FAM169A: variants seen among roughly 807,000 people sequenced by gnomAD.
FAM169A encodes family with sequence similarity 169 member A, also known as soluble lamin-associated protein of 75 kDa.
FAM169A carries 24 observed loss-of-function variants against 75.7 expected under a neutral mutation model. The ratio of observed to expected loss-of-function variants is 0.32; its 90% confidence interval spans 0.23 to 0.45. FAM169A has a LOEUF of 0.45. Among genes scored for constraint, FAM169A ranks in the 20% least tolerant of loss-of-function variants. The pLI, the probability that FAM169A is intolerant of heterozygous loss-of-function variation, is 1.00. For missense variants in FAM169A, 673 were observed against 784.0 expected, an observed-to-expected ratio of 0.86 and a Z score of 1.69; for synonymous variants, 271 against 271.0, an observed-to-expected ratio of 1.00 and a Z score of 0.00.
chr5:74,787,883 T>TA (rs113652695), intron 11 of FAM169A, among the ~76,000 whole-genome samples: 18,295 of 151,470 alleles, frequency 0.12, 2,986 homozygotes, highest in African/African-American at 0.38. Context: ...TCTGAATTAT[T>TA]AAAAAAAAGA....
At chr5:74,852,969 T>C (rs1343549990) in intron 1 of FAM169A, among the ~76,000 whole-genome samples, 5 of 152,238 alleles carry the variant, frequency 3.3e-5, no homozygotes, top group African/African-American at 1.2e-4. Context: ...AATATACTTA[T>C]CACATAACAA....
chr5:74,845,738 T>C (rs13180149), intron 1 of FAM169A, among the ~76,000 whole-genome samples: 5,526 of 152,224 alleles, frequency 0.036, 138 homozygotes, highest in Non-Finnish European at 0.055. Flanking sequence ...ACCACAAGAT[T>C]TGCAGCCAAC....
At chr5:74,826,685 A>G (rs1017962101) in intron 5 of FAM169A, among the ~76,000 whole-genome samples, 1 of 152,206 alleles carries the variant, frequency 6.6e-6, no homozygotes, top group African/African-American at 2.4e-5. Flanking sequence ...AGTCACAAAA[A>G]CATTACAAAG....
chr5:74,839,522 A>AT (rs200682932), intron 3 of FAM169A, among the ~76,000 whole-genome samples: 3,788 of 130,792 alleles, frequency 0.029, 76 homozygotes, highest in Non-Finnish European at 0.038. Context: ...TCAATTTTTA[A>AT]TTTTTTTTTT....
rs1428849065 is a variant in FAM169A at position 74,804,177 on chromosome 5, T to C, written c.912+316A>G. Among the ~76,000 whole-genome samples the C allele has an allele frequency of 2.6e-5, 4 of 152,104 alleles. No individual in the cohort carries two copies. The East Asian group carries it at 7.7e-4, about 29-fold the overall frequency. ...GCTTTATAATATGCGATATTAAATATATATGCAAAAATTTTAACAGTGGCT... is the reference window on the plus strand; with the variant it reads ...GCTTTATAATATGCGATATTAAATACATATGCAAAAATTTTAACAGTGGCT... On this transcript the variant is annotated intron_variant, in intron 8 of 12. Transcript: ENST00000687041.
intron 8 of FAM169A, among the ~76,000 whole-genome samples, chr5:74,802,332 C>A (rs1746623301): frequency 6.6e-6 from 1 of 152,012 alleles, no homozygotes; most frequent in Admixed American, 6.6e-5. Flanking sequence ...TACACCCCTC[C>A]ACCCTGATGA....
rs951912202 is a variant in FAM169A, at chr5:74,863,134, C to T, written c.-4+3031G>A. Among the ~76,000 whole-genome samples the T allele has an allele frequency of 3.3e-5, 5 of 151,678 alleles. No homozygotes were observed. In the South Asian group the frequency reaches 6.3e-4, roughly 19 times the overall value. On this transcript the variant is annotated intron_variant, in intron 1 of 12. Coordinates refer to ENST00000687041, the MANE Select transcript of FAM169A (RefSeq NM_001376049.1). ...TAGTCCCCTATACAGAGCATGTAAACGTTAAGGTATCATATACCAACTCTA... is the reference window on the plus strand; with the variant it reads ...TAGTCCCCTATACAGAGCATGTAAATGTTAAGGTATCATATACCAACTCTA...
intron 1 of FAM169A, among the ~76,000 whole-genome samples, chr5:74,853,069 G>C (rs1749523999): frequency 6.6e-6 from 1 of 152,140 alleles, no homozygotes; most frequent in Non-Finnish European, 1.5e-5. Context: ...TACTTTTTCA[G>C]CACATGTAAA....
intron 11 of FAM169A, 128 bp from the exon 12 acceptor site, chr5:74,783,262 T>A: frequency 1.6e-6 from 1 of 644,356 alleles, no homozygotes; most frequent in South Asian, 1.9e-5. Context: ...TTATAGGACA[T>A]GGGTTAAAGA....
chr5:74,844,381 G>A (rs1409550202), intron 1 of FAM169A, among the ~76,000 whole-genome samples: 2 of 152,034 alleles, frequency 1.3e-5, no homozygotes, highest in African/African-American at 2.4e-5. Flanking sequence ...AGAATTACCT[G>A]AGCCCAGGAG....
chr5:74,796,074 C>A lies in FAM169A; in HGVS notation c.1216G>T (p.Ala406Ser). 6.2e-7 allele frequency: 1 copy of A among 1,614,096 alleles called. No individual in the cohort carries two copies. Among genetic ancestry groups the A allele is most frequent in the Non-Finnish European group, 8.5e-7 (1 of 1,179,988 alleles). Residue 406 changes from alanine to serine, a missense_variant, in exon 11 of 13, where the codon GCA (alanine) becomes TCA (serine). Ala to Ser is a moderately conservative substitution (Grantham distance 99). Around this residue, in one of 3 missense-constraint regions of FAM169A, gnomAD observed 510 missense variants for 550.9 expected, o/e 0.93. Transcript: ENST00000687041. ...DESSDRDARP[A>S]LETQPQQEKQ... ...TCTTGCTGTGGCTGGGTTTCCAGTGCTGGCCGTGCATCTCTATCACTGCTT... is the reference window on the plus strand; with the variant it reads ...TCTTGCTGTGGCTGGGTTTCCAGTGATGGCCGTGCATCTCTATCACTGCTT...
chr5:74,835,532 G>A (rs755539319), intron 4 of FAM169A, among the ~76,000 whole-genome samples: 5 of 147,554 alleles, frequency 3.4e-5, no homozygotes, highest in Middle Eastern at 3.7e-3. Flanking sequence ...AGCGCAAGAG[G>A]TTGAGGTTGC....
chr5:74,842,978 A>G (rs1748962167), intron 1 of FAM169A, among the ~76,000 whole-genome samples: 1 of 152,164 alleles, frequency 6.6e-6, no homozygotes, highest in Non-Finnish European at 1.5e-5. Flanking sequence ...CCAAGCAACA[A>G]GAAAATTTAG....
intron 6 of FAM169A, among the ~76,000 whole-genome samples, chr5:74,808,534 T>C (rs1051887407): frequency 2.0e-5 from 3 of 152,130 alleles, no homozygotes; most frequent in Non-Finnish European, 4.4e-5. Context: ...TTGCAGATGA[T>C]TGAAAAGCTT....
chr5:74,803,366 A>G (rs181685966), intron 8 of FAM169A, among the ~76,000 whole-genome samples: 79 of 151,862 alleles, frequency 5.2e-4, no homozygotes, highest in Middle Eastern at 3.4e-3. Flanking sequence ...CAAAAGTAGG[A>G]AAAAAAAATC....
intron 11 of FAM169A, among the ~76,000 whole-genome samples, chr5:74,784,792 G>A (rs776988850): frequency 2.9e-4 from 43 of 150,680 alleles, no homozygotes; most frequent in Non-Finnish European, 4.4e-4. Context: ...GGTGGCAGGC[G>A]CCTGTAGTCC....
At chr5:74,813,676 C>T (rs1258203199) in intron 6 of FAM169A, among the ~76,000 whole-genome samples, 164 bp downstream of exon 6, 3 of 151,818 alleles carry the variant, frequency 2.0e-5, no homozygotes, top group East Asian at 1.9e-4. Flanking sequence ...TGCCAAACCC[C>T]GAGAAAACAA....
At chr5:74,811,834 T>C (rs1432590393) in intron 6 of FAM169A, among the ~76,000 whole-genome samples, 2 of 152,144 alleles carry the variant, frequency 1.3e-5, no homozygotes, top group Non-Finnish European at 2.9e-5. Context: ...CTCACAAATA[T>C]AAAGATGAGT....
intron 1 of FAM169A, among the ~76,000 whole-genome samples, chr5:74,843,186 T>C (rs1748973870): frequency 6.6e-6 from 1 of 152,004 alleles, no homozygotes; most frequent in East Asian, 1.9e-4. Flanking sequence ...ACAAAATCTA[T>C]ATAAGGAAAA....
Sources: gnomAD v4.1 joint callset for allele counts (sites outside exome capture counted in the v4.1 genomes callset) on GRCh38, gnomAD v4.1.1 for gene constraint, gnomAD v4.1.1 regional missense constraint, MANE v1.5 for transcripts, NCBI Gene and HGNC (gene_info 2026-07-23, HGNC 2026-07-21) for gene names.